The following EDA2R variants were observed in gnomAD, a reference collection of about 807,000 sequenced individuals.
EDA2R encodes the protein tumor necrosis factor receptor superfamily member 27.
Under a neutral mutation model 20.1 loss-of-function variants are expected in EDA2R, and 26 were observed. The observed-to-expected ratio is 1.30, with a 90% CI of 0.95 to 1.80. The LOEUF (loss-of-function observed/expected upper bound fraction) is 1.80. Ranked by LOEUF, EDA2R falls within the 40% of genes most tolerant of loss-of-function variation. EDA2R has a pLI of 0.00. For synonymous variants in EDA2R, 114 were observed against 88.7 expected (o/e 1.29, Z -1.60); for missense variants, 277 against 228.7 (o/e 1.21, Z -1.36).
chrX:66,624,257 G>T (rs556729726), intron 1 of EDA2R, among the ~76,000 whole-genome samples: 2 of 111,945 alleles, frequency 1.8e-5, no homozygotes, highest in East Asian at 5.6e-4. Flanking sequence ...AGTGGCTCCC[G>T]CCTGGAATAC....
intron 1 of EDA2R, among the ~76,000 whole-genome samples, chrX:66,630,879 G>A (rs921750742): frequency 2.3e-4 from 23 of 101,354 alleles, no homozygotes; most frequent in African/African-American, 6.1e-4. Context: ...ATACACACAC[G>A]TATGTGTATG....
intron 2 of EDA2R, among the ~76,000 whole-genome samples, chrX:66,606,434 C>T (rs1279981677): frequency 9.0e-6 from 1 of 111,651 alleles, no homozygotes; most frequent in Non-Finnish European, 1.9e-5. Context: ...TTTTCCAGTG[C>T]ATGCTGACAC....
At position 66,597,385 on chromosome X, in the gene EDA2R, C is replaced by G. The variant is rs1043402912; in HGVS notation, c.*719G>C. ...CTGCTGTGGGGTAGTTTGGGGAACT[C>G]AGGCCCCAGAAGGAAGATTACTTTG... On this transcript the variant is annotated 3_prime_UTR_variant, in exon 7 of 7. Transcript: ENST00000374719. 1.8e-5 allele frequency: 2 copies of G among 111,746 alleles called. No homozygotes were observed. Among genetic ancestry groups the G allele is most frequent in the Non-Finnish European group, 3.8e-5 (2 of 53,191 alleles). 9.2% of individuals were successfully genotyped at this position (111,746 alleles called of 1,213,427 possible).
intron 2 of EDA2R, among the ~76,000 whole-genome samples, chrX:66,612,218 G>A (rs1241253648): frequency 9.0e-6 from 1 of 111,146 alleles, no homozygotes; most frequent in Non-Finnish European, 1.9e-5. Flanking sequence ...AAGAAAGAGT[G>A]GAAGTGATAA....
At chrX:66,607,213 A>G (rs1375223434) in intron 2 of EDA2R, among the ~76,000 whole-genome samples, 2 of 112,347 alleles carry the variant, frequency 1.8e-5, no homozygotes, top group Admixed American at 9.4e-5. Context: ...TCCCCAGCAC[A>G]GAGCCAATCT....
intron 2 of EDA2R, among the ~76,000 whole-genome samples, chrX:66,607,447 T>C (rs1929894778): frequency 9.0e-6 from 1 of 110,533 alleles, no homozygotes; most frequent in African/African-American, 3.3e-5. Flanking sequence ...CAAAGCCTTG[T>C]TGCCAAAAAT....
rs1927572529 is a variant in EDA2R, at chrX:66,597,022, G to A, written c.*1082C>T. The A allele has an allele frequency of 8.8e-6, 1 of 113,047 alleles. No individual in the cohort carries two copies. The highest frequency in any genetic ancestry group is 2.8e-4 in the East Asian group (1 of 3,579). The allele number at this position is 113,047 out of a possible 1,213,427, so 9.3% of individuals were successfully genotyped here. Reference sequence around the variant, plus strand: ...AGATGTAGTTAATAAAATTCTAAAAGCAAAAATCTTGCTGTAGACAGCACT... The same window carrying A: ...AGATGTAGTTAATAAAATTCTAAAAACAAAAATCTTGCTGTAGACAGCACT... On this transcript the variant is annotated 3_prime_UTR_variant, in exon 7 of 7. Coordinates refer to ENST00000374719, the MANE Select transcript of EDA2R (RefSeq NM_021783.5).
At chrX:66,599,349 C>G (rs755627600) in intron 6 of EDA2R, 125 bp downstream of exon 6, 241 of 802,377 alleles carry the variant, frequency 3.0e-4, no homozygotes, top group Non-Finnish European at 4.0e-4. Flanking sequence ...CCAAAGTGTT[C>G]CTAGCTTGCT....
chrX:66,625,639 C>T (rs1415094485), intron 1 of EDA2R, among the ~76,000 whole-genome samples: 1 of 111,867 alleles, frequency 8.9e-6, no homozygotes, highest in Admixed American at 9.4e-5. Context: ...CCGTGTACTA[C>T]TGGTTCCTCT....
rs1358635518 is a variant in EDA2R, at chrX:66,605,230, T to G, written c.88-4A>C. 6.7e-6 allele frequency: 8 copies of G among 1,198,729 alleles called. No homozygotes were observed. Among genetic ancestry groups the G allele is most frequent in the Non-Finnish European group, 7.9e-6 (7 of 889,044 alleles). ...CACCCTCTCCATAACCACAATCCTG[T>G]AGACAGATGGGGGTTGTTAATATTG... On this transcript the variant is annotated splice_polypyrimidine_tract_variant and splice_region_variant and intron_variant, in intron 2 of 6. Transcript: ENST00000374719.
In EDA2R at chrX:66,599,793, G is replaced by C. The variant is rs1382870625; in HGVS notation, c.585C>G (p.Ser195Arg). The C allele has an allele frequency of 8.3e-7, 1 of 1,209,590 alleles. No homozygotes were observed. The highest frequency in any genetic ancestry group is 3.0e-5 in the East Asian group (1 of 33,742). The stretch of plus-strand genomic sequence containing the variant: ...CTTGGGACTCAGCACTGGTCTCCTT[G>C]CTGGGTGGCACGGGGAAGAGAGATT... ...KEESLFPVPP[S>R]KETSAESQVS... is the part of the protein sequence containing the mutation. Residue 195 changes from serine (S) to arginine (R), a missense_variant, in exon 6 of 7, where the codon AGC (serine) becomes AGG (arginine). Coordinates refer to ENST00000374719, the MANE Select transcript of EDA2R (RefSeq NM_021783.5).
chrX:66,600,410 G>A (rs1339005141), intron 5 of EDA2R, among the ~76,000 whole-genome samples: 1 of 111,798 alleles, frequency 8.9e-6, no homozygotes, highest in South Asian at 3.8e-4. Context: ...GCCAAAGAAT[G>A]TAAGTGGTCC....
At chrX:66,598,544 T>C (rs1927876360) in intron 6 of EDA2R, among the ~76,000 whole-genome samples, 3 of 111,841 alleles carry the variant, frequency 2.7e-5, no homozygotes, top group Non-Finnish European at 3.8e-5. Flanking sequence ...ACCTAAAGTA[T>C]GTGAGCAAGG....
intron 5 of EDA2R, among the ~76,000 whole-genome samples, chrX:66,601,971 C>T (rs1014043752): frequency 9.0e-6 from 1 of 111,705 alleles, no homozygotes; most frequent in African/African-American, 3.3e-5. Context: ...GCATGGCTGT[C>T]TGATATGGAC....
chrX:66,639,032 G>A lies in EDA2R; in HGVS notation c.-48C>T, dbSNP rs766595313. The A allele has an allele frequency of 1.8e-5, 2 of 108,472 alleles. No individual in the cohort carries two copies. Among genetic ancestry groups the A allele is most frequent in the East Asian group, 5.9e-4 (2 of 3,416 alleles). The allele number at this position is 108,472 out of a possible 1,213,427, so 8.9% of individuals were successfully genotyped here. On this transcript the variant is annotated 5_prime_UTR_variant, in exon 1 of 7. Transcript: ENST00000374719. ...GAGTAGATGGCTCTTGCTCCCAAAT[G>A]GGACTCCGGTACAAATCCACCTCAG... is the stretch of plus-strand genomic sequence containing the variant.
intron 5 of EDA2R, among the ~76,000 whole-genome samples, chrX:66,600,539 G>C (rs1354931637): frequency 8.9e-6 from 1 of 111,810 alleles, no homozygotes; most frequent in East Asian, 2.8e-4. Context: ...CTCTCCCAGA[G>C]ACTCCAGAAA....
intron 3 of EDA2R, 33 bp downstream of exon 3, chrX:66,605,015 C>T (rs1929393622): frequency 8.7e-7 from 1 of 1,153,731 alleles, no homozygotes; most frequent in Non-Finnish European, 1.2e-6. Context: ...CTAGAAAAGC[C>T]CAGACAAGCT....
chrX:66,632,202 T>A (rs988351841), intron 1 of EDA2R, among the ~76,000 whole-genome samples: 17 of 111,829 alleles, frequency 1.5e-4, no homozygotes, highest in African/African-American at 5.5e-4. Context: ...GGCAGGTGGA[T>A]CACTTGAGGT....
chrX:66,619,974 C>A (rs1932328763), intron 1 of EDA2R, among the ~76,000 whole-genome samples: 1 of 111,390 alleles, frequency 9.0e-6, no homozygotes, highest in African/African-American at 3.3e-5. Context: ...TCTATTACCC[C>A]AGCAGGCTCC....
Sources: allele counts gnomAD v4.1 joint callset (sites outside exome capture counted in the v4.1 genomes callset), GRCh38; gene constraint gnomAD v4.1.1; transcripts MANE v1.5; gene names NCBI Gene and HGNC (gene_info 2026-07-23, HGNC 2026-07-21).